GRID2: variants seen among roughly 807,000 people sequenced by gnomAD.
GRID2 encodes glutamate ionotropic receptor delta type subunit 2.
Under a neutral mutation model 114.8 loss-of-function variants are expected in GRID2, and 33 were observed. The observed-to-expected ratio is 0.29, with a 90% confidence interval of 0.22 to 0.38. The LOEUF (loss-of-function observed/expected upper bound fraction) is 0.38, where lower values mean the gene tolerates loss of function less well. Ranked by LOEUF, GRID2 falls within the 10% of genes least tolerant of loss-of-function variation. The probability of loss-of-function intolerance (pLI) is 1.00; values close to 1 mark genes in which losing one functional copy is unlikely to be tolerated. For missense variants in GRID2, 1,184 were observed against 1,257.7 expected, an observed-to-expected ratio of 0.94 and a Z score of 0.89; for synonymous variants, 505 against 449.9, an observed-to-expected ratio of 1.12 and a Z score of -1.55.
chr4:93,785,785 G>A (rs562960688), intron 1 of GRID2, among the ~76,000 whole-genome samples: 20 of 152,110 alleles, frequency 1.3e-4, no homozygotes, highest in Non-Finnish European at 1.8e-4. Flanking sequence ...TCAGAAACTC[G>A]TGTGGCAATC....
chr4:92,628,343 C>G (rs1039628327), intron 2 of GRID2, among the ~76,000 whole-genome samples: 6 of 149,854 alleles, frequency 4.0e-5, no homozygotes, highest in Non-Finnish European at 8.9e-5. Context: ...GGAAATTCCT[C>G]CCTGTTCTTT....
intron 8 of GRID2, among the ~76,000 whole-genome samples, chr4:93,287,063 ACT>A (rs1753252884): frequency 6.6e-6 from 1 of 152,106 alleles, no homozygotes. Context: ...ATAGTAGATA[ACT>A]CAGTAAAAAT....
intron 2 of GRID2, among the ~76,000 whole-genome samples, chr4:92,727,555 T>C (rs1325832367): frequency 3.3e-5 from 5 of 152,244 alleles, no homozygotes; most frequent in South Asian, 2.1e-4. Flanking sequence ...TATATACTTA[T>C]ATGCACATCA....
At chr4:93,570,144 T>C (rs1484331610) in intron 13 of GRID2, among the ~76,000 whole-genome samples, 1 of 152,184 alleles carries the variant, frequency 6.6e-6, no homozygotes, top group African/African-American at 2.4e-5. Context: ...ATTTAAGAGA[T>C]GACAAAAATA....
At chr4:92,843,934 G>A (rs768359937) in intron 2 of GRID2, among the ~76,000 whole-genome samples, 6 of 152,008 alleles carry the variant, frequency 3.9e-5, no homozygotes, top group Admixed American at 1.3e-4. Flanking sequence ...CAATGCATTC[G>A]TCATTTGGAA....
At chr4:92,378,941 T>A (rs2110232965) in intron 1 of GRID2, among the ~76,000 whole-genome samples, 1 of 152,076 alleles carries the variant, frequency 6.6e-6, no homozygotes, top group Admixed American at 6.6e-5. Flanking sequence ...TTAAAATTTT[T>A]AAAATAAACC....
At chr4:93,594,697 A>G (rs528015941) in intron 13 of GRID2, among the ~76,000 whole-genome samples, 31 of 152,258 alleles carry the variant, frequency 2.0e-4, no homozygotes, top group Non-Finnish European at 3.4e-4. Context: ...TGTGCTAGCA[A>G]TCAATGAGAC....
At chr4:92,877,241 C>T (rs1024312299) in intron 2 of GRID2, among the ~76,000 whole-genome samples, 1 of 152,280 alleles carries the variant, frequency 6.6e-6, no homozygotes, top group Admixed American at 6.5e-5. Flanking sequence ...TACACTGCAT[C>T]TAAGGTAGGA....
At chr4:92,476,679 A>T (rs1722328768) in intron 1 of GRID2, among the ~76,000 whole-genome samples, 1 of 152,196 alleles carries the variant, frequency 6.6e-6, no homozygotes, top group Non-Finnish European at 1.5e-5. Context: ...ACTAAAGAAA[A>T]AAATTTCGTA....
intron 14 of GRID2, among the ~76,000 whole-genome samples, chr4:93,725,980 T>G (rs74905624): frequency 0.042 from 6,405 of 152,074 alleles, 220 homozygotes; most frequent in African/African-American, 0.085. Context: ...AGAAGCTCTT[T>G]AGTTTAATTA....
intron 14 of GRID2, among the ~76,000 whole-genome samples, chr4:93,711,407 C>T (rs1560932896): frequency 1.3e-5 from 2 of 151,848 alleles, no homozygotes; most frequent in South Asian, 2.1e-4. Flanking sequence ...TTCAAGACTC[C>T]GTTTATGCTG....
intron 12 of GRID2, among the ~76,000 whole-genome samples, chr4:93,501,577 G>A (rs984841296): frequency 2.7e-5 from 4 of 150,442 alleles, no homozygotes; most frequent in East Asian, 1.9e-4. Flanking sequence ...CAGCTATCTC[G>A]ATGTCATAGA....
At chr4:92,923,505 A>G (rs1560705945) in intron 2 of GRID2, among the ~76,000 whole-genome samples, 1 of 151,628 alleles carries the variant, frequency 6.6e-6, no homozygotes, top group Non-Finnish European at 1.5e-5. Flanking sequence ...ATTAGAAATC[A>G]ATAAAAAAAT....
At chr4:92,579,770 C>G (rs1728085210) in intron 1 of GRID2, among the ~76,000 whole-genome samples, 1 of 151,392 alleles carries the variant, frequency 6.6e-6, no homozygotes. Flanking sequence ...GCATACACAA[C>G]TTTGACCATT....
At chr4:93,002,149 A>T (rs1721054443) in intron 2 of GRID2, among the ~76,000 whole-genome samples, 1 of 151,724 alleles carries the variant, frequency 6.6e-6, no homozygotes, top group Admixed American at 6.6e-5. Context: ...TGGAAGAGTG[A>T]CTATTTTCCT....
At chr4:92,954,681 T>C (rs1387486972) in intron 2 of GRID2, among the ~76,000 whole-genome samples, 2 of 148,696 alleles carry the variant, frequency 1.3e-5, no homozygotes, top group Non-Finnish European at 3.0e-5. Context: ...TAGTTACATA[T>C]GTATACATGT....
At chr4:93,799,148 A>T (rs1305765200) in intron 1 of GRID2, among the ~76,000 whole-genome samples, 3 of 152,212 alleles carry the variant, frequency 2.0e-5, no homozygotes, top group Non-Finnish European at 4.4e-5. Context: ...TTTATGCCTC[A>T]GTATTATTGT....
At chr4:93,727,821 C>T (rs948258719) in intron 14 of GRID2, among the ~76,000 whole-genome samples, 17 of 152,102 alleles carry the variant, frequency 1.1e-4, no homozygotes, top group African/African-American at 3.6e-4. Context: ...TTCTGGGGAT[C>T]GGTGATGATA....
chr4:93,775,144 TA>T (rs566720059), downstream of GRID2, among the ~76,000 whole-genome samples: 115 of 142,910 alleles, frequency 8.0e-4, no homozygotes, highest in East Asian at 2.2e-3. Flanking sequence ...CATAATTTAC[TA>T]AAAAAAAAAA....
Sources: gnomAD v4.1 joint callset for allele counts (sites outside exome capture counted in the v4.1 genomes callset) on GRCh38, gnomAD v4.1.1 for gene constraint, MANE v1.5 for transcripts, NCBI Gene and HGNC (gene_info 2026-07-23, HGNC 2026-07-21) for gene names.